DCAF8L2: variants seen among roughly 807,000 people sequenced by gnomAD.
DCAF8L2 encodes the protein DDB1 and CUL4 associated factor 8 like 2.
For synonymous variants in DCAF8L2, 200 were observed against 190.9 expected (o/e 1.05, Z -0.39); for missense variants, 430 against 490.7 (o/e 0.88, Z 1.17).
the DCAF8L2 span, among the ~76,000 whole-genome samples, chrX:27,569,143 T>C: frequency 1.8e-5 from 2 of 111,481 alleles, no homozygotes; most frequent in Non-Finnish European, 3.8e-5. Context: ...CCTAAGGAAA[T>C]CATACCTGAC....
At chrX:27,673,385 G>A (rs185364589) in intron 2 of DCAF8L2, among the ~76,000 whole-genome samples, 5,431 of 106,742 alleles carry the variant, frequency 0.051, 145 homozygotes, top group Non-Finnish European at 0.078. Context: ...GCAGTTGCCT[G>A]TAGTCCCAGC....
At chrX:27,529,147 TA>T in the DCAF8L2 span, among the ~76,000 whole-genome samples, 1 of 111,809 alleles carries the variant, frequency 8.9e-6, no homozygotes, top group Non-Finnish European at 1.9e-5. Flanking sequence ...CCTGTCAATT[TA>T]CATTTGACAT....
intron 3 of DCAF8L2, among the ~76,000 whole-genome samples, chrX:27,687,939 A>G (rs190183954): frequency 1.1e-4 from 12 of 112,380 alleles, no homozygotes; most frequent in African/African-American, 3.2e-4. Flanking sequence ...AATTAAAAAT[A>G]TGAAGAAATT....
intron 3 of DCAF8L2, among the ~76,000 whole-genome samples, chrX:27,711,846 A>T (rs931139261): frequency 9.1e-6 from 1 of 110,391 alleles, no homozygotes; most frequent in Admixed American, 9.7e-5. Flanking sequence ...TTTGGGGGGA[A>T]GTTAGCTAAC....
intron 3 of DCAF8L2, among the ~76,000 whole-genome samples, chrX:27,682,607 A>G (rs2147242404): frequency 9.0e-6 from 1 of 111,118 alleles, no homozygotes; most frequent in Admixed American, 9.7e-5. Context: ...TATTGTTTAT[A>G]GTTGTAGATT....
the DCAF8L2 span, among the ~76,000 whole-genome samples, chrX:27,549,642 G>A: frequency 9.0e-6 from 1 of 111,414 alleles, no homozygotes; most frequent in Non-Finnish European, 1.9e-5. Context: ...AGTAATGAAA[G>A]ACTCACTAAT....
intron 2 of DCAF8L2, among the ~76,000 whole-genome samples, chrX:27,675,823 C>T (rs1290945637): frequency 9.0e-6 from 1 of 111,484 alleles, no homozygotes; most frequent in African/African-American, 3.3e-5. Flanking sequence ...TCTTCCTGAG[C>T]TTCATGGGAT....
At chrX:27,743,913 A>G (rs1922022542) in intron 4 of DCAF8L2, among the ~76,000 whole-genome samples, 1 of 107,323 alleles carries the variant, frequency 9.3e-6, no homozygotes, top group Non-Finnish European at 1.9e-5. Context: ...TTTGTATTTT[A>G]GTAGAGATGG....
intron 1 of DCAF8L2, among the ~76,000 whole-genome samples, chrX:27,618,699 G>A (rs1055557957): frequency 9.0e-6 from 1 of 110,815 alleles, no homozygotes; most frequent in East Asian, 2.8e-4. Context: ...ACCCCCATGC[G>A]CCCTCTTGGC....
the DCAF8L2 span, chrX:27,519,262 CA>C: frequency 2.0e-6 from 2 of 990,017 alleles, no homozygotes; most frequent in Non-Finnish European, 2.9e-6. Flanking sequence ...AGAACAGACT[CA>C]AAAAGCTCTA....
chrX:27,594,415 T>G (rs1926255649), intron 1 of DCAF8L2, among the ~76,000 whole-genome samples: 1 of 111,230 alleles, frequency 9.0e-6, no homozygotes, highest in African/African-American at 3.3e-5. Context: ...TAATATGTTC[T>G]TTACTCAGAA....
At chrX:27,729,378 A>G (rs1921056916) in intron 4 of DCAF8L2, among the ~76,000 whole-genome samples, 1 of 112,719 alleles carries the variant, frequency 8.9e-6, no homozygotes. Context: ...TCATGTGCAC[A>G]GAAGTTCCTT....
At chrX:27,645,156 A>G (rs368817122) in intron 2 of DCAF8L2, among the ~76,000 whole-genome samples, 29 of 112,185 alleles carry the variant, frequency 2.6e-4, no homozygotes, top group African/African-American at 9.4e-4. Context: ...ATGAACATTG[A>G]TGGAAAAATC....
intron 2 of DCAF8L2, among the ~76,000 whole-genome samples, chrX:27,663,120 T>C (rs1300587697): frequency 4.5e-5 from 5 of 111,509 alleles, no homozygotes; most frequent in African/African-American, 1.6e-4. Flanking sequence ...AGACATAGCA[T>C]AAAATAAATT....
chrX:27,571,697 C>G, the DCAF8L2 span, among the ~76,000 whole-genome samples: 1 of 111,449 alleles, frequency 9.0e-6, no homozygotes, highest in Non-Finnish European at 1.9e-5. Flanking sequence ...TATTCCAGGC[C>G]TAATCTTTTA....
chrX:27,530,320 A>G, the DCAF8L2 span, among the ~76,000 whole-genome samples: 1 of 110,547 alleles, frequency 9.0e-6, no homozygotes, highest in Non-Finnish European at 1.9e-5. Flanking sequence ...TCATAGAACT[A>G]AAATGCATAA....
upstream of DCAF8L2, among the ~76,000 whole-genome samples, chrX:27,589,674 T>A: frequency 8.9e-6 from 1 of 112,197 alleles, no homozygotes; most frequent in East Asian, 2.8e-4. Context: ...GGAAGAAGAT[T>A]GATTTTGCAA....
the DCAF8L2 span, among the ~76,000 whole-genome samples, chrX:27,528,626 A>T: frequency 9.1e-6 from 1 of 109,728 alleles, no homozygotes; most frequent in African/African-American, 3.3e-5. Flanking sequence ...AGCAATAATA[A>T]GTTAGCACCC....
At chrX:27,559,631 G>A in the DCAF8L2 span, among the ~76,000 whole-genome samples, 3 of 112,007 alleles carry the variant, frequency 2.7e-5, no homozygotes, top group South Asian at 3.7e-4. Context: ...CTCTGCCACC[G>A]TGGCTACATC....
Sources: allele counts gnomAD v4.1 joint callset (sites outside exome capture counted in the v4.1 genomes callset), GRCh38; gene constraint gnomAD v4.1.1; transcripts MANE v1.5; gene names NCBI Gene and HGNC (gene_info 2026-07-23, HGNC 2026-07-21).